Variants in ADAM18 observed in about 807,000 individuals in gnomAD.
The protein encoded by ADAM18 is ADAM metallopeptidase domain 18, also known as disintegrin and metalloproteinase domain-containing protein 18.
In ADAM18, 117 loss-of-function variants were observed where a neutral mutation model predicts 94.4. That is an observed-to-expected ratio of 1.24 (90% CI 1.07 to 1.45). The LOEUF (loss-of-function observed/expected upper bound fraction) is 1.45, where lower values mean the gene tolerates loss of function less well. ADAM18 is among the 40% of genes most tolerant of loss of function. ADAM18 has a pLI of 0.00. For synonymous variants in ADAM18, 327 were observed against 291.6 expected (o/e 1.12, Z -1.24); for missense variants, 936 against 880.0 (o/e 1.06, Z -0.81).
intron 7 of ADAM18, among the ~76,000 whole-genome samples, chr8:39,636,893 G>A (rs899342426): frequency 2.6e-5 from 4 of 151,392 alleles, no homozygotes; most frequent in Admixed American, 1.3e-4. Context: ...GTGAGATCAT[G>A]TAGTATTTTC....
chr8:39,602,364 A>G (rs1353692200), intron 2 of ADAM18, among the ~76,000 whole-genome samples: 1 of 152,094 alleles, frequency 6.6e-6, no homozygotes, highest in Non-Finnish European at 1.5e-5. Context: ...TGTTCTTTTG[A>G]TAGAAGCCAT....
intron 6 of ADAM18, 119 bp from the exon 7 acceptor site, chr8:39,629,255 A>G: frequency 1.5e-6 from 1 of 668,686 alleles, no homozygotes; most frequent in Middle Eastern, 4.2e-4. Flanking sequence ...ATTAATTTTT[A>G]TACTTAAGTC....
intron 13 of ADAM18, 116 bp from the exon 14 acceptor site, chr8:39,667,882 T>C (rs2129580223): frequency 1.9e-6 from 2 of 1,043,706 alleles, no homozygotes; most frequent in East Asian, 2.5e-5. Flanking sequence ...ACTTGGGAAC[T>C]CTGGTGTTCC....
intron 19 of ADAM18, among the ~76,000 whole-genome samples, chr8:39,728,208 T>G: frequency 6.6e-6 from 1 of 152,138 alleles, no homozygotes; most frequent in African/African-American, 2.4e-5. Flanking sequence ...CCTCTAGCAC[T>G]GGGGATTATA....
At chr8:39,628,856 T>G (rs1360647000) in intron 6 of ADAM18, among the ~76,000 whole-genome samples, 1 of 152,168 alleles carries the variant, frequency 6.6e-6, no homozygotes, top group South Asian at 2.1e-4. Context: ...AGCATAGGCT[T>G]TGTGTGTCAT....
Position 39,585,366 on chromosome 8 carries a change from A to T in ADAM18, c.132+14A>T. On this transcript the variant is annotated intron_variant, in intron 2 of 19. Transcript: ENST00000265707. ...TCAGAGAGGAAGGTAAATGATGAGG[A>T]ATATTTATTCTATATTTAAAGCTTT... 2 of 1,589,238 alleles carry T rather than the reference A, an allele frequency of 1.3e-6. No homozygotes were observed. Among genetic ancestry groups the T allele is most frequent in the Non-Finnish European group, 1.7e-6 (2 of 1,159,338 alleles).
intron 2 of ADAM18, 136 bp from the exon 3 acceptor site, chr8:39,606,171 C>G (rs1215050123): frequency 3.7e-6 from 2 of 546,552 alleles, no homozygotes; most frequent in Non-Finnish European, 6.4e-6. Context: ...TAAATTCTTA[C>G]TATTTAGAAT....
rs146055184 is a variant in ADAM18 at position 39,708,077 on chromosome 8, A to C, written c.2017+1173A>C. 7.2e-5 allele frequency among the ~76,000 whole-genome samples: 11 copies of C among 152,358 alleles called. No individual in the cohort carries two copies. In the East Asian group the frequency reaches 2.1e-3, roughly 29 times the overall value. ...GAATGATTCAGGTCCTGGGTGAGAC[A>C]GAAAGGAATGATGGGAGATTTCATC... On this transcript the variant is annotated intron_variant, in intron 18 of 19. Coordinates refer to ENST00000265707, the MANE Select transcript of ADAM18 (RefSeq NM_014237.3).
intron 18 of ADAM18, among the ~76,000 whole-genome samples, chr8:39,707,343 A>G (rs1199572062): frequency 6.6e-6 from 1 of 152,204 alleles, no homozygotes; most frequent in Non-Finnish European, 1.5e-5. Flanking sequence ...TCTTACTTGC[A>G]ATAAATGGCT....
At chr8:39,629,277 CT>C in intron 6 of ADAM18, 96 bp from the exon 7 acceptor site, 1 of 856,696 alleles carries the variant, frequency 1.2e-6, no homozygotes, top group Non-Finnish European at 1.8e-6. Context: ...TCATGAAAAT[CT>C]TATATGCAAT....
chr8:39,612,030 A>G (rs762728947), intron 6 of ADAM18, among the ~76,000 whole-genome samples: 1 of 152,202 alleles, frequency 6.6e-6, no homozygotes, highest in Non-Finnish European at 1.5e-5. Flanking sequence ...ACTAGAAAAC[A>G]AATAAGAATA....
intron 12 of ADAM18, 96 bp downstream of exon 12, chr8:39,648,623 A>C: frequency 2.8e-6 from 3 of 1,069,320 alleles, no homozygotes; most frequent in Non-Finnish European, 3.9e-6. Flanking sequence ...TATATGCAAC[A>C]ATGCCATTAA....
chr8:39,644,836 T>C (rs1190865868), intron 10 of ADAM18, among the ~76,000 whole-genome samples: 1 of 152,146 alleles, frequency 6.6e-6, no homozygotes, highest in Non-Finnish European at 1.5e-5. Context: ...GAGTACTTTA[T>C]TTTCTTAAAA....
At chr8:39,698,036 A>G (rs1563311188) in intron 17 of ADAM18, among the ~76,000 whole-genome samples, 1 of 151,738 alleles carries the variant, frequency 6.6e-6, no homozygotes, top group Non-Finnish European at 1.5e-5. Context: ...TATATTCTCT[A>G]TTTAATCCTT....
At chr8:39,616,877 TAA>T (rs1017848645) in intron 6 of ADAM18, among the ~76,000 whole-genome samples, 15 of 152,168 alleles carry the variant, frequency 9.9e-5, no homozygotes, top group Non-Finnish European at 2.2e-4. Context: ...CAAGATGTAT[TAA>T]AGACTTAAAA....
At chr8:39,638,919 A>G (rs1455205937) in intron 10 of ADAM18, among the ~76,000 whole-genome samples, 1 of 151,872 alleles carries the variant, frequency 6.6e-6, no homozygotes, top group Non-Finnish European at 1.5e-5. Context: ...TTTTACACAT[A>G]CTTTATGCTA....
intron 6 of ADAM18, among the ~76,000 whole-genome samples, chr8:39,621,917 C>T (rs921944383): frequency 5.9e-5 from 9 of 152,070 alleles, no homozygotes. Context: ...ACACTGGGTT[C>T]TGTCAGAGGG....
intron 2 of ADAM18, among the ~76,000 whole-genome samples, chr8:39,587,388 G>A (rs940327123): frequency 1.3e-5 from 2 of 151,912 alleles, no homozygotes; most frequent in Non-Finnish European, 2.9e-5. Context: ...TATTTCTCTC[G>A]ACCCAGACCC....
intron 17 of ADAM18, among the ~76,000 whole-genome samples, chr8:39,703,870 A>G (rs1416772962): frequency 6.6e-6 from 1 of 152,188 alleles, no homozygotes; most frequent in Non-Finnish European, 1.5e-5. Context: ...ATCAGAAATG[A>G]TAAAGGGGAT....
Sources: gnomAD v4.1 joint callset for allele counts (sites outside exome capture counted in the v4.1 genomes callset) on GRCh38, gnomAD v4.1.1 for gene constraint, MANE v1.5 for transcripts, NCBI Gene and HGNC (gene_info 2026-07-23, HGNC 2026-07-21) for gene names.